Variants in ZNF444 observed in about 807,000 individuals in gnomAD.
ZNF444 encodes the protein zinc finger protein 444, also known as endothelial zinc finger protein 2.
A neutral mutation model predicts 14.4 loss-of-function variants in ZNF444; 8 were observed. That is an observed-to-expected ratio of 0.56 (90% CI 0.33 to 1.00). The LOEUF (loss-of-function observed/expected upper bound fraction) is 1.00. ZNF444 is among the 50% of genes least tolerant of loss of function. ZNF444 has a pLI of 0.03. For synonymous variants in ZNF444, 258 were observed against 235.9 expected (o/e 1.09, Z -0.86); for missense variants, 510 against 504.8 (o/e 1.01, Z -0.10).
chr19:56,143,997 C>T (rs1214797619), intron 1 of ZNF444, among the ~76,000 whole-genome samples: 1 of 152,124 alleles, frequency 6.6e-6, no homozygotes, highest in African/African-American at 2.4e-5. Flanking sequence ...GGGCACTGGC[C>T]TTCGGTCCAA....
intron 3 of ZNF444, chr19:56,155,779 A>C (rs1434616275): frequency 6.6e-6 from 1 of 152,248 alleles, no homozygotes; most frequent in East Asian, 1.9e-4. Context: ...ACCACAGAAG[A>C]CGTCTGTGAC....
chr19:56,160,102 C>T lies in ZNF444; in HGVS notation c.885C>T (p.Arg295=). 2 of 1,497,092 alleles carry T rather than the reference C, an allele frequency of 1.3e-6. No homozygotes were observed. Among genetic ancestry groups the T allele is most frequent in the Non-Finnish European group, 1.8e-6 (2 of 1,129,348 alleles). The allele number at this position is 1,497,092 out of a possible 1,614,324, so 92.7% of individuals were successfully genotyped here. Residue 295 remains arginine (R), a synonymous_variant, in exon 5 of 5, where the codon CGC becomes CGT. Coordinates refer to ENST00000337080, the MANE Select transcript of ZNF444 (RefSeq NM_018337.4). The part of the protein sequence containing the change: ...KGFGRREHVL[R]HQRIHGRAAA... The stretch of plus-strand genomic sequence containing the variant: ...TCGGGCGCCGCGAGCACGTGCTGCG[C>T]CACCAGCGCATCCACGGCCGGGCAG...
At chr19:56,138,106 G>A (rs1292114348), upstream of ZNF444, among the ~76,000 whole-genome samples, 1 of 151,740 alleles carries the variant, frequency 6.6e-6, no homozygotes, top group East Asian at 1.9e-4. Flanking sequence ...CCTGGGTGAC[G>A]AGAAGGAAAA....
At position 56,160,763 on chromosome 19, in the gene ZNF444, T is replaced by G. The variant is rs546409316; in HGVS notation, c.*562T>G. 7 of 148,230 alleles carry G rather than the reference T, an allele frequency of 4.7e-5. No homozygotes were observed. The highest frequency in any genetic ancestry group is 1.4e-4 in the African/African-American group (5 of 36,682). The allele number at this position is 148,230 out of a possible 1,614,324, so 9.2% of individuals were successfully genotyped here. ...CTGAACCCAGGGCCTGGCTGTGGTC[T>G]TCTTGGTCTTGCTGCCCCCTGTGAC... is the stretch of plus-strand genomic sequence containing the variant. On this transcript the variant is annotated 3_prime_UTR_variant, in exon 5 of 5. Transcript: ENST00000337080.
intron 3 of ZNF444, chr19:56,149,854 G>A (rs983912657): frequency 6.5e-6 from 1 of 153,030 alleles, no homozygotes; most frequent in Non-Finnish European, 1.5e-5. Context: ...ATGGTGTACT[G>A]TGGTCACGTC....
chr19:56,149,132 C>T (rs111339279), intron 3 of ZNF444, among the ~76,000 whole-genome samples: 3 of 113,066 alleles, frequency 2.7e-5, no homozygotes, highest in Admixed American at 8.2e-5. Flanking sequence ...ACCTCTGCTT[C>T]CATCCCCATC....
At chr19:56,143,604 C>T (rs2030974730) in intron 1 of ZNF444, 1 of 152,154 alleles carries the variant, frequency 6.6e-6, no homozygotes, top group Non-Finnish European at 1.5e-5. Context: ...AAGACATCTC[C>T]CCTTGCTCCT....
Position 56,160,207 on chromosome 19 carries a change from T to C in ZNF444, c.*6T>C. 7.0e-7 allele frequency: 1 copy of C among 1,435,656 alleles called. No individual in the cohort carries two copies. Among genetic ancestry groups the C allele is most frequent in the Non-Finnish European group, 9.0e-7 (1 of 1,105,684 alleles). 88.9% of individuals were successfully genotyped at this position (1,435,656 alleles called of 1,614,324 possible). A position where few individuals can be genotyped will look rare whatever the true frequency, so the allele number is the denominator to read the frequency against. On this transcript the variant is annotated 3_prime_UTR_variant, in exon 5 of 5. Transcript: ENST00000337080. ...CGCCCTGGCCCTTGGGTTAGCCGCC[T>C]CCCGGCCAGCGCCATCTCCCGCCCT...
At chr19:56,151,695 G>A (rs1257975742) in intron 3 of ZNF444, 3 of 448,426 alleles carry the variant, frequency 6.7e-6, no homozygotes, top group South Asian at 1.6e-5. Flanking sequence ...TGTGCATTGG[G>A]GTTTCTTGGC....
At chr19:56,138,428 C>A (rs950941582), upstream of ZNF444, among the ~76,000 whole-genome samples, 1 of 151,666 alleles carries the variant, frequency 6.6e-6, no homozygotes, top group Non-Finnish European at 1.5e-5. Flanking sequence ...GGAGTTTAAA[C>A]CCAGCCTGGG....
Position 56,160,589 on chromosome 19 carries a change from T to A in ZNF444, c.*388T>A. On this transcript the variant is annotated 3_prime_UTR_variant, in exon 5 of 5. Coordinates refer to ENST00000337080, the MANE Select transcript of ZNF444 (RefSeq NM_018337.4). ...AGCAGAGGTGAGGACCTGGGACCCC[T>A]GAGGGGCAGGCCAGGAGGAGCTCGG... is the stretch of plus-strand genomic sequence containing the variant. 2.0e-5 allele frequency: 4 copies of A among 203,108 alleles called. No individual in the cohort carries two copies. Among genetic ancestry groups the A allele is most frequent in the East Asian group, 2.4e-4 (2 of 8,366 alleles). 12.6% of individuals were successfully genotyped at this position (203,108 alleles called of 1,614,324 possible). A position where few individuals can be genotyped will look rare whatever the true frequency, so the allele number is the denominator to read the frequency against.
At position 56,146,981 on chromosome 19, in the gene ZNF444, C is replaced by T. The variant is rs1394102033; in HGVS notation, c.70C>T (p.Arg24Cys). ...GCTGGACTCCCCGTGGCACCGCTTCCGCCGCTTCCACCTGGGCGACGCGCC... is the reference window on the plus strand; with the variant it reads ...GCTGGACTCCCCGTGGCACCGCTTCTGCCGCTTCCACCTGGGCGACGCGCC... ...LALDSPWHRF[R>C]RFHLGDAPGP... The change falls in exon 3 of 5, where the codon CGC becomes TGC. Residue 24 changes from arginine (R) to cysteine (C), a missense_variant. Coordinates refer to ENST00000337080, the MANE Select transcript of ZNF444 (RefSeq NM_018337.4). The T allele has an allele frequency of 2.1e-6, 3 of 1,439,576 alleles. No individual in the cohort carries two copies. Among genetic ancestry groups the T allele is most frequent in the African/African-American group, 3.0e-5 (2 of 66,834 alleles). The allele number at this position is 1,439,576 out of a possible 1,614,324, so 89.2% of individuals were successfully genotyped here.
chr19:56,147,173 G>A lies in ZNF444; in HGVS notation c.262G>A (p.Gly88Arg), dbSNP rs1245203324. 2.7e-6 allele frequency: 4 copies of A among 1,485,576 alleles called. No individual in the cohort carries two copies. Among genetic ancestry groups the A allele is most frequent in the South Asian group, 1.3e-5 (1 of 75,520 alleles). 92.0% of individuals were successfully genotyped at this position (1,485,576 alleles called of 1,614,324 possible). A position where few individuals can be genotyped will look rare whatever the true frequency, so the allele number is the denominator to read the frequency against. ...AWVCSRQPQSGEEAVALLEEL... is the reference protein window; with the variant it reads ...AWVCSRQPQSREEAVALLEEL... ...GGTGTGCAGCCGGCAGCCGCAGAGC[G>A]GGGAGGAGGCGGTGGCCCTGCTGGA... The change falls in exon 3 of 5, where the codon GGG becomes AGG. Residue 88 changes from glycine to arginine, a missense_variant. By Grantham distance (125) the Gly-to-Arg change is moderately radical. Transcript: ENST00000337080. This position sits in a 1 kb window ranked among gnomAD's most constrained non-coding sequence, Gnocchi z 5.9.
rs773816954 is a variant in ZNF444 at position 56,147,009 on chromosome 19, G to A, written c.98G>A (p.Gly33Asp). 2.7e-6 allele frequency: 4 copies of A among 1,458,496 alleles called. No individual in the cohort carries two copies. The highest frequency in any genetic ancestry group is 2.7e-5 in the East Asian group (1 of 36,984). 90.3% of individuals were successfully genotyped at this position (1,458,496 alleles called of 1,614,324 possible). A position where few individuals can be genotyped will look rare whatever the true frequency, so the allele number is the denominator to read the frequency against. Residue 33 changes from glycine (G) to aspartate (D), a missense_variant, in exon 3 of 5, where the codon GGC (glycine) becomes GAC (aspartate). By Grantham distance (94) the Gly-to-Asp change is moderately conservative. Transcript: ENST00000337080. This position sits in a 1 kb window ranked among gnomAD's most constrained non-coding sequence, Gnocchi z 5.9. Reference sequence around the variant, plus strand: ...CGCTTCCACCTGGGCGACGCGCCGGGCCCGCGGGAGGCGCTGGGGCTGCTC... The same window carrying A: ...CGCTTCCACCTGGGCGACGCGCCGGACCCGCGGGAGGCGCTGGGGCTGCTC... ...FRRFHLGDAP[G>D]PREALGLLRA...
chr19:56,149,733 G>A (rs2031457638), intron 3 of ZNF444: 1 of 152,208 alleles, frequency 6.6e-6, no homozygotes, highest in Admixed American at 6.6e-5. Flanking sequence ...AGAACACATG[G>A]TGTTTGGTTT....
In ZNF444 at chr19:56,147,535, C is replaced by T. The variant is rs889645972; in HGVS notation, c.297+327C>T. Among the ~76,000 whole-genome samples, 3 of 152,060 alleles carry T rather than the reference C, an allele frequency of 2.0e-5. No homozygotes were observed. Among genetic ancestry groups the T allele is most frequent in the Admixed American group, 6.5e-5 (1 of 15,280 alleles). ...AGAAGGCCACGAAGGCTCCAGGGAGCGCAGTTACCAGCTGTCCTCTCCCCG... is the reference window on the plus strand; with the variant it reads ...AGAAGGCCACGAAGGCTCCAGGGAGTGCAGTTACCAGCTGTCCTCTCCCCG... On this transcript the variant is annotated intron_variant, in intron 3 of 4. Coordinates refer to ENST00000337080, the MANE Select transcript of ZNF444 (RefSeq NM_018337.4). The surrounding 1 kb of genome is among the most constrained non-coding windows in gnomAD (Gnocchi z 5.9).
At chr19:56,142,628 C>T (rs138997416) in intron 1 of ZNF444, among the ~76,000 whole-genome samples, 43 of 152,278 alleles carry the variant, frequency 2.8e-4, no homozygotes, top group African/African-American at 7.7e-4. Flanking sequence ...CGGTCTTTGT[C>T]GAGCACTTAG....
intron 1 of ZNF444, among the ~76,000 whole-genome samples, chr19:56,132,935 C>CTTTCTTTTTTTTTTT (rs780382826): frequency 2.1e-5 from 2 of 94,266 alleles, no homozygotes; most frequent in Non-Finnish European, 3.8e-5. Context: ...TTCTTTCTTT[C>CTTTCTTTTTTTTTTT]TTTTTTTTTT....
At chr19:56,132,935 C>CTTTTTGTT (rs2030516892) in intron 1 of ZNF444, among the ~76,000 whole-genome samples, 3 of 94,262 alleles carry the variant, frequency 3.2e-5, no homozygotes, top group Non-Finnish European at 5.7e-5. Flanking sequence ...TTCTTTCTTT[C>CTTTTTGTT]TTTTTTTTTT....
Sources: gnomAD v4.1 joint callset for allele counts (sites outside exome capture counted in the v4.1 genomes callset) on GRCh38, gnomAD v4.1.1 for gene constraint, Gnocchi (gnomAD v3.1) non-coding constraint, MANE v1.5 for transcripts, NCBI Gene and HGNC (gene_info 2026-07-23, HGNC 2026-07-21) for gene names.